VIT: variants seen among roughly 807,000 people sequenced by gnomAD.
The protein encoded by VIT is vitrin.
A neutral mutation model predicts 78.0 loss-of-function variants in VIT; 99 were observed. The observed-to-expected ratio is 1.27, with a 90% CI of 1.08 to 1.50. The LOEUF is 1.50. Ranked by LOEUF, VIT falls within the 40% of genes most tolerant of loss-of-function variation. The probability of loss-of-function intolerance (pLI) is 0.00; values close to 1 mark genes in which losing one functional copy is unlikely to be tolerated. For missense variants in VIT, 1,126 were observed against 875.3 expected (o/e 1.29, Z -3.61); for synonymous variants, 374 against 334.3 (o/e 1.12, Z -1.29).
At chr2:36,704,231 G>T (rs1665269232) in intron 1 of VIT, among the ~76,000 whole-genome samples, 1 of 152,036 alleles carries the variant, frequency 6.6e-6, no homozygotes, top group African/African-American at 2.4e-5. Flanking sequence ...TGGCCAGATT[G>T]GGCAGTTTAT....
chr2:36,789,224 C>A (rs188428725), intron 12 of VIT, among the ~76,000 whole-genome samples: 2 of 152,194 alleles, frequency 1.3e-5, no homozygotes, highest in Non-Finnish European at 2.9e-5. Context: ...GCCTCAGCTC[C>A]TCTGTGTGAC....
At chr2:36,804,628 G>A (rs1031339682) in intron 13 of VIT, among the ~76,000 whole-genome samples, 1 of 152,076 alleles carries the variant, frequency 6.6e-6, no homozygotes, top group African/African-American at 2.4e-5. Context: ...TCAAGAGATC[G>A]AGACCATCCT....
At chr2:36,720,396 C>A (rs140793852) in intron 2 of VIT, among the ~76,000 whole-genome samples, 3 of 152,140 alleles carry the variant, frequency 2.0e-5, no homozygotes, top group Non-Finnish European at 4.4e-5. Context: ...GGGGAAAGAA[C>A]AATCTCTTCA....
chr2:36,779,627 C>A (rs1664604561), intron 9 of VIT, among the ~76,000 whole-genome samples: 1 of 152,146 alleles, frequency 6.6e-6, no homozygotes. Context: ...CTCCTCCCAC[C>A]TCCCAACCCT....
In VIT at chr2:36,759,081, T is replaced by C. The variant is rs1668950260; in HGVS notation, c.487+35T>C. 3 of 1,614,054 alleles carry C rather than the reference T, an allele frequency of 1.9e-6. No individual in the cohort carries two copies. The African/African-American group carries it at 4.0e-5, about 22-fold the overall frequency. ...CACGTGTGATTGAATCTAAACCTTC[T>C]GAGTCCATGAACACGCGACGTGTTT... On this transcript the variant is annotated intron_variant, in intron 6 of 15. Coordinates refer to ENST00000379242, the MANE Select transcript of VIT (RefSeq NM_053276.4).
chr2:36,699,603 T>TAGAG (rs1664904026), intron 1 of VIT, among the ~76,000 whole-genome samples: 1 of 142,676 alleles, frequency 7.0e-6, no homozygotes, highest in Non-Finnish European at 1.5e-5. Flanking sequence ...TAGATATAGA[T>TAGAG]ATAGATATAG....
chr2:36,781,158 G>A (rs775505914), intron 9 of VIT, among the ~76,000 whole-genome samples: 3 of 152,212 alleles, frequency 2.0e-5, no homozygotes, highest in Non-Finnish European at 2.9e-5. Context: ...CTCTGAAGGG[G>A]CCATATTTGT....
At position 36,808,859 on chromosome 2, in the gene VIT, A is replaced by C. The variant is rs773895556; in HGVS notation, c.1777A>C (p.Ile593Leu). 6.2e-7 allele frequency: 1 copy of C among 1,614,102 alleles called. No homozygotes were observed. Among genetic ancestry groups the C allele is most frequent in the East Asian group, 2.2e-5 (1 of 44,890 alleles). Residue 593 changes from isoleucine (I) to leucine (L), a missense_variant, in exon 15 of 16, where the codon ATC becomes CTC. Ile to Leu is a conservative substitution (Grantham distance 5, BLOSUM62 2). Coordinates refer to ENST00000379242, the MANE Select transcript of VIT (RefSeq NM_053276.4). ...TGGTGGCACCAGCACGGGGGCTGCC[A>C]TCAACTTCGCCCTGGAGCAGCTCTT... ...WSGGTSTGAA[I>L]NFALEQLFKK...
At chr2:36,788,872 T>G (rs1444881160) in intron 12 of VIT, among the ~76,000 whole-genome samples, 1 of 152,100 alleles carries the variant, frequency 6.6e-6, no homozygotes, top group Non-Finnish European at 1.5e-5. Flanking sequence ...AAAAATGGCG[T>G]GAGAATAGTG....
chr2:36,809,864 G>A (rs1351613285), intron 15 of VIT, among the ~76,000 whole-genome samples: 2 of 152,088 alleles, frequency 1.3e-5, no homozygotes, highest in African/African-American at 2.4e-5. Context: ...GGTGGTGCAC[G>A]CCTATTATCC....
chr2:36,721,847 T>G (rs1442489079), intron 2 of VIT, among the ~76,000 whole-genome samples: 1 of 152,204 alleles, frequency 6.6e-6, no homozygotes, highest in Non-Finnish European at 1.5e-5. Flanking sequence ...TGGGCCATCT[T>G]CCTAAGCACT....
intron 12 of VIT, among the ~76,000 whole-genome samples, chr2:36,790,198 G>A (rs965599832): frequency 3.3e-5 from 5 of 152,054 alleles, no homozygotes; most frequent in African/African-American, 4.8e-5. Flanking sequence ...TTGGGTACAC[G>A]GAACAGAAAA....
chr2:36,756,935 G>A lies in VIT; in HGVS notation c.409+1881G>A, dbSNP rs151334541. ...AGTAGAGATGTTTTGGGCTTTTTAAGTGAAAATCAATCTGCTGATATTATT... is the reference window on the plus strand; with the variant it reads ...AGTAGAGATGTTTTGGGCTTTTTAAATGAAAATCAATCTGCTGATATTATT... On this transcript the variant is annotated intron_variant, in intron 5 of 15. Coordinates refer to ENST00000379242, the MANE Select transcript of VIT (RefSeq NM_053276.4). Among the ~76,000 whole-genome samples, 395 of 152,286 alleles carry A rather than the reference G, an allele frequency of 2.6e-3. 1 individual carries two copies. The highest frequency in any genetic ancestry group is 9.3e-3 in the African/African-American group (387 of 41,554).
intron 11 of VIT, among the ~76,000 whole-genome samples, chr2:36,784,941 G>A (rs1268593537): frequency 6.6e-6 from 1 of 152,196 alleles, no homozygotes; most frequent in South Asian, 2.1e-4. Flanking sequence ...AGGCCAGTGA[G>A]TAAAGAGAAT....
chr2:36,751,023 G>A (rs1156385944), intron 4 of VIT, among the ~76,000 whole-genome samples: 2 of 152,108 alleles, frequency 1.3e-5, no homozygotes, highest in South Asian at 4.1e-4. Flanking sequence ...ACTTTGGGAG[G>A]CCAAGGCGGG....
At chr2:36,713,090 T>C (rs1174093423) in intron 1 of VIT, among the ~76,000 whole-genome samples, 1 of 152,156 alleles carries the variant, frequency 6.6e-6, no homozygotes, top group African/African-American at 2.4e-5. Flanking sequence ...TCAGAAGTGA[T>C]AAGTCAATGG....
intron 1 of VIT, among the ~76,000 whole-genome samples, chr2:36,704,257 C>T (rs1180666139): frequency 6.6e-6 from 1 of 152,142 alleles, no homozygotes; most frequent in Admixed American, 6.5e-5. Context: ...TTCTTTAAGT[C>T]TCAATTTCCT....
intron 3 of VIT, among the ~76,000 whole-genome samples, chr2:36,736,192 G>T (rs577178344): frequency 6.6e-6 from 1 of 152,156 alleles, no homozygotes; most frequent in Non-Finnish European, 1.5e-5. Context: ...GATTACCAAA[G>T]TGTGGCTGCA....
intron 7 of VIT, among the ~76,000 whole-genome samples, chr2:36,767,817 C>A (rs1409307918): frequency 6.6e-6 from 1 of 152,186 alleles, no homozygotes. Context: ...GCCTAAGGAG[C>A]CCATCTGATC....
Sources: gnomAD v4.1 joint callset for allele counts (sites outside exome capture counted in the v4.1 genomes callset) on GRCh38, gnomAD v4.1.1 for gene constraint, MANE v1.5 for transcripts, NCBI Gene and HGNC (gene_info 2026-07-23, HGNC 2026-07-21) for gene names.